The following HSPH1 variants were observed in gnomAD, a reference collection of about 807,000 sequenced individuals.
The protein encoded by HSPH1 is heat shock protein family H (Hsp110) member 1.
In HSPH1, 40 loss-of-function variants were observed where a neutral mutation model predicts 100.0. The observed-to-expected ratio is 0.40, with a 90% CI of 0.31 to 0.52. HSPH1 has a LOEUF of 0.52. Ranked by LOEUF, HSPH1 falls within the 20% of genes least tolerant of loss-of-function variation. The probability of loss-of-function intolerance (pLI) is 0.54; values close to 1 mark genes in which losing one functional copy is unlikely to be tolerated. For synonymous variants in HSPH1, 403 were observed against 344.0 expected (o/e 1.17, Z -1.90); for missense variants, 876 against 1,015.1 (o/e 0.86, Z 1.86).
chr13:31,145,132 T>G (rs977308624), intron 11 of HSPH1, among the ~76,000 whole-genome samples: 1 of 152,224 alleles, frequency 6.6e-6, no homozygotes, highest in East Asian at 1.9e-4. Flanking sequence ...CATGTAAAAA[T>G]AAAAACAAGT....
upstream of HSPH1, chr13:31,162,264 A>C: frequency 4.5e-6 from 3 of 672,878 alleles, no homozygotes; most frequent in Non-Finnish European, 7.6e-6. Flanking sequence ...CTTAACGCTA[A>C]AGGGAGGCTG....
At chr13:31,142,065 CAAAG>C (rs984923039) in intron 12 of HSPH1, among the ~76,000 whole-genome samples, 2 of 151,946 alleles carry the variant, frequency 1.3e-5, no homozygotes, top group African/African-American at 2.4e-5. Context: ...ACAAAAATGA[CAAAG>C]AACACAACTG....
intron 12 of HSPH1, 21 bp from the exon 13 acceptor site, chr13:31,141,280 A>C (rs774341043): frequency 8.9e-6 from 14 of 1,569,348 alleles, no homozygotes; most frequent in Non-Finnish European, 1.2e-5. Context: ...GGAATAAAAA[A>C]AGGAAAAAAT....
chr13:31,138,254 T>C (rs1217523187), intron 17 of HSPH1, among the ~76,000 whole-genome samples, 153 bp downstream of exon 17: 3 of 152,130 alleles, frequency 2.0e-5, no homozygotes, highest in Non-Finnish European at 4.4e-5. Context: ...AGGTCTTCTG[T>C]ATTTTGTGAC....
chr13:31,161,616 C>T lies in HSPH1; in HGVS notation c.-34G>A. On this transcript the variant is annotated 5_prime_UTR_variant, in exon 1 of 18. Transcript: ENST00000320027. ...CGCGGTCCGCCTCCGCCTCGGGTCTCGGTCTGCGTCCTCCGGCCCCCTGCC... is the reference window on the plus strand; with the variant it reads ...CGCGGTCCGCCTCCGCCTCGGGTCTTGGTCTGCGTCCTCCGGCCCCCTGCC... 2 of 1,608,816 alleles carry T rather than the reference C, an allele frequency of 1.2e-6. No individual in the cohort carries two copies. The highest frequency in any genetic ancestry group is 1.7e-6 in the Non-Finnish European group (2 of 1,179,318).
chr13:31,141,276 A>C lies in HSPH1; in HGVS notation c.1717-17T>G. On this transcript the variant is annotated splice_polypyrimidine_tract_variant and intron_variant, in intron 12 of 17. Coordinates refer to ENST00000320027, the MANE Select transcript of HSPH1 (RefSeq NM_006644.4). ...TTCATTTGCCTTGGGAAGAGGAATA[A>C]AAAAAGGAAAAAATTTTAAACAACC... The C allele has an allele frequency of 6.4e-7, 1 of 1,569,444 alleles. No homozygotes were observed. The highest frequency in any genetic ancestry group is 1.2e-5 in the South Asian group (1 of 82,300).
chr13:31,155,971 GAACA>G (rs1412926909), intron 2 of HSPH1, among the ~76,000 whole-genome samples: 9 of 152,060 alleles, frequency 5.9e-5, no homozygotes, highest in South Asian at 2.1e-4. Context: ...CTAAAGCTCT[GAACA>G]AACACACTAG....
intron 1 of HSPH1, 128 bp downstream of exon 1, chr13:31,161,348 G>A: frequency 6.8e-7 from 1 of 1,465,754 alleles, no homozygotes; most frequent in Non-Finnish European, 9.1e-7. Context: ...CTAGTTCCAC[G>A]GAGGGGTGCG....
chr13:31,155,667 G>T lies in HSPH1; in HGVS notation c.166-13C>A, dbSNP rs763751018. ...CATGAGTGATTTGCTGCAAAAAGAA[G>T]TTTGAGATTTTAATTTTTTTCTTTA... On this transcript the variant is annotated splice_polypyrimidine_tract_variant and intron_variant, in intron 2 of 17. Transcript: ENST00000320027. 1 of 1,567,192 alleles carries T rather than the reference G, an allele frequency of 6.4e-7. No homozygotes were observed. Among genetic ancestry groups the T allele is most frequent in the East Asian group, 2.2e-5 (1 of 44,446 alleles).
chr13:31,150,185 T>C lies in HSPH1; in HGVS notation c.909-3A>G, dbSNP rs374315316. 6.4e-7 allele frequency: 1 copy of C among 1,557,982 alleles called. No homozygotes were observed. Among genetic ancestry groups the C allele is most frequent in the Non-Finnish European group, 8.7e-7 (1 of 1,150,590 alleles). ...CACAGAGTTCTTCAAATTGTGACCT[T>C]AGCAAATAAAAACTTGTTTTTAGAA... On this transcript the variant is annotated splice_region_variant and splice_polypyrimidine_tract_variant and intron_variant, in intron 7 of 17. Transcript: ENST00000320027.
At chr13:31,144,574 G>A (rs1360281697) in intron 11 of HSPH1, among the ~76,000 whole-genome samples, 1 of 152,020 alleles carries the variant, frequency 6.6e-6, no homozygotes, top group East Asian at 1.9e-4. Flanking sequence ...TTCTTTTTTA[G>A]TAGCCCTCAA....
At chr13:31,143,209 G>T (rs930590595) in intron 12 of HSPH1, among the ~76,000 whole-genome samples, 30 of 152,070 alleles carry the variant, frequency 2.0e-4, no homozygotes, top group Non-Finnish European at 3.7e-4. Flanking sequence ...TTCTGACCAT[G>T]AATCTTAAAG....
intron 11 of HSPH1, 124 bp from the exon 12 acceptor site, chr13:31,144,047 G>A: frequency 1.3e-6 from 1 of 787,446 alleles, no homozygotes; most frequent in Non-Finnish European, 1.8e-6. Context: ...GGGAGAAAAG[G>A]TACTGGATAA....
At position 31,150,002 on chromosome 13, in the gene HSPH1, G is replaced by A. The variant is rs1956424114; in HGVS notation, c.1089C>T (p.Ser363=). The stretch of plus-strand genomic sequence containing the variant: ...CTGCTTCATCTGCATTGAGTGTTGT[G>A]CTAATATCTTTTCCAAAGAATTTGG... ...RIAKFFGKDI[S]TTLNADEAVA... Residue 363 remains serine, a synonymous_variant, in exon 8 of 18, where the codon AGC becomes AGT. Coordinates refer to ENST00000320027, the MANE Select transcript of HSPH1 (RefSeq NM_006644.4). 3.1e-6 allele frequency: 5 copies of A among 1,613,658 alleles called. No individual in the cohort carries two copies. In the South Asian group the frequency reaches 5.5e-5, roughly 18 times the overall value.
intron 3 of HSPH1, among the ~76,000 whole-genome samples, 159 bp from the exon 4 acceptor site, chr13:31,154,914 G>A (rs1483046161): frequency 6.6e-6 from 1 of 151,948 alleles, no homozygotes; most frequent in Admixed American, 6.6e-5. Flanking sequence ...AAAAGGGAAG[G>A]GGAAGGAGGG....
chr13:31,145,426 T>G lies in HSPH1; in HGVS notation c.1584+137A>C, dbSNP rs189918022. Reference sequence around the variant, plus strand: ...TGTATTACCACTAACCGGCAAGCGCTATTATCATTACCTAAAATTCTGATC... The same window carrying G: ...TGTATTACCACTAACCGGCAAGCGCGATTATCATTACCTAAAATTCTGATC... On this transcript the variant is annotated intron_variant, in intron 11 of 17. Transcript: ENST00000320027. 6 of 660,752 alleles carry G rather than the reference T, an allele frequency of 9.1e-6. No individual in the cohort carries two copies. In the African/African-American group the frequency reaches 1.1e-4, roughly 12 times the overall value. 40.9% of individuals were successfully genotyped at this position (660,752 alleles called of 1,614,324 possible).
At chr13:31,152,567 C>A in intron 5 of HSPH1, 1 of 220,716 alleles carries the variant, frequency 4.5e-6, no homozygotes, top group South Asian at 7.6e-5. Context: ...GGAAAAATTG[C>A]TTCCTAACTA....
chr13:31,155,738 T>A, intron 2 of HSPH1, 84 bp from the exon 3 acceptor site: 1 of 1,259,190 alleles, frequency 7.9e-7, no homozygotes, highest in Non-Finnish European at 1.1e-6. Flanking sequence ...TTATTCACTT[T>A]ACAACTCAAA....
rs1565994287 is a variant in HSPH1 at position 31,139,018 on chromosome 13, G to A, written c.2070C>T (p.Asp690=). The change falls in exon 15 of 18, where the codon GAC becomes GAT. Residue 690 remains aspartate (D), a synonymous_variant. Coordinates refer to ENST00000320027, the MANE Select transcript of HSPH1 (RefSeq NM_006644.4). The part of the protein sequence containing the change: ...GEDQAKQAYV[D]KLEELMKIGT... Reference sequence around the variant, plus strand: ...GACCTACCATTAATTCTTCCAACTTGTCAACATATGCTTGTTTAGCTTGGT... The same window carrying A: ...GACCTACCATTAATTCTTCCAACTTATCAACATATGCTTGTTTAGCTTGGT... 6.2e-7 allele frequency: 1 copy of A among 1,611,640 alleles called. No homozygotes were observed.
Sources: gnomAD v4.1 joint callset for allele counts (sites outside exome capture counted in the v4.1 genomes callset) on GRCh38, gnomAD v4.1.1 for gene constraint, MANE v1.5 for transcripts, NCBI Gene and HGNC (gene_info 2026-07-23, HGNC 2026-07-21) for gene names.